The following MIR2052HG variants were observed in gnomAD, a reference collection of about 807,000 sequenced individuals.
MIR2052HG encodes MIR2052 host gene.
intron 2 of MIR2052HG, among the ~76,000 whole-genome samples, chr8:74,655,288 G>A (rs976707068): frequency 2.0e-5 from 3 of 152,298 alleles, no homozygotes; most frequent in African/African-American, 7.2e-5. Flanking sequence ...AACTAACAAG[G>A]AGCCGAATGT....
chr8:74,662,977 A>G (rs1159796133), intron 2 of MIR2052HG, among the ~76,000 whole-genome samples: 2 of 152,032 alleles, frequency 1.3e-5, no homozygotes, highest in Admixed American at 1.3e-4. Flanking sequence ...TCATACTTTT[A>G]TTATGCTAAT....
chr8:74,691,597 A>G (rs1397876032), intron 2 of MIR2052HG, among the ~76,000 whole-genome samples: 1 of 152,220 alleles, frequency 6.6e-6, no homozygotes, highest in Non-Finnish European at 1.5e-5. Flanking sequence ...GATGAGCCCA[A>G]TATGGTAGGT....
At chr8:74,681,336 T>A (rs1304795847) in intron 2 of MIR2052HG, among the ~76,000 whole-genome samples, 1 of 151,872 alleles carries the variant, frequency 6.6e-6, no homozygotes, top group African/African-American at 2.4e-5. Flanking sequence ...TATTGGAAAA[T>A]ATATATATAG....
chr8:74,728,210 T>C (rs188451866), intron 4 of MIR2052HG, among the ~76,000 whole-genome samples: 10 of 152,298 alleles, frequency 6.6e-5, no homozygotes, highest in East Asian at 1.9e-4. Context: ...TTGAAAAACA[T>C]TTGAGAGTGA....
intron 1 of MIR2052HG, among the ~76,000 whole-genome samples, chr8:74,602,971 A>G: frequency 6.7e-6 from 1 of 149,608 alleles, no homozygotes; most frequent in East Asian, 2.0e-4. Flanking sequence ...TTAATATTCC[A>G]TTCTTAACAT....
chr8:74,650,436 A>G (rs886111000), intron 2 of MIR2052HG, among the ~76,000 whole-genome samples: 1 of 152,130 alleles, frequency 6.6e-6, no homozygotes, highest in South Asian at 2.1e-4. Context: ...TTATCCATTC[A>G]TTAGTTGATG....
chr8:74,644,490 A>T (rs921962033), intron 2 of MIR2052HG, among the ~76,000 whole-genome samples: 1 of 152,204 alleles, frequency 6.6e-6, no homozygotes, highest in Non-Finnish European at 1.5e-5. Context: ...TCGCACAATG[A>T]CAAAATCACC....
chr8:74,716,596 G>T (rs1809523886), intron 4 of MIR2052HG, among the ~76,000 whole-genome samples: 1 of 152,092 alleles, frequency 6.6e-6, no homozygotes, highest in South Asian at 2.1e-4. Context: ...TGTAATCCCA[G>T]CTACTCAGGA....
chr8:74,650,671 A>T (rs905267231), intron 2 of MIR2052HG, among the ~76,000 whole-genome samples: 1 of 152,164 alleles, frequency 6.6e-6, no homozygotes, highest in African/African-American at 2.4e-5. Context: ...AATGCATGAA[A>T]GTTCCAGTAG....
At chr8:74,641,861 G>A (rs1030905005) in intron 2 of MIR2052HG, among the ~76,000 whole-genome samples, 10 of 152,228 alleles carry the variant, frequency 6.6e-5, no homozygotes, top group Middle Eastern at 3.4e-3. Flanking sequence ...GTGAACACAG[G>A]CATGTTTTGG....
intron 2 of MIR2052HG, among the ~76,000 whole-genome samples, chr8:74,692,264 T>C (rs1056590426): frequency 6.6e-6 from 1 of 152,182 alleles, no homozygotes; most frequent in Non-Finnish European, 1.5e-5. Flanking sequence ...CTAATTTTTA[T>C]ATTTTTAGTA....
intron 2 of MIR2052HG, among the ~76,000 whole-genome samples, chr8:74,702,165 G>C (rs1809364355): frequency 1.3e-5 from 2 of 152,066 alleles, no homozygotes; most frequent in African/African-American, 4.8e-5. Flanking sequence ...ATTTTCTGCT[G>C]CAGCTACAGT....
intron 4 of MIR2052HG, among the ~76,000 whole-genome samples, chr8:74,713,304 G>T (rs1057090640): frequency 2.0e-5 from 3 of 152,116 alleles, no homozygotes; most frequent in African/African-American, 7.2e-5. Context: ...AACAATTTAT[G>T]TGGCCCCTTC....
intron 4 of MIR2052HG, among the ~76,000 whole-genome samples, chr8:74,735,504 G>A (rs575005732): frequency 1.3e-5 from 2 of 152,006 alleles, no homozygotes; most frequent in African/African-American, 4.8e-5. Context: ...TGTGCTCCCC[G>A]GGCTCCATGT....
At chr8:74,734,563 T>A (rs1809727761) in intron 4 of MIR2052HG, among the ~76,000 whole-genome samples, 2 of 152,196 alleles carry the variant, frequency 1.3e-5, no homozygotes, top group South Asian at 4.1e-4. Context: ...GCCCTGTAGG[T>A]CATTATCTCC....
intron 2 of MIR2052HG, among the ~76,000 whole-genome samples, chr8:74,695,988 C>T (rs1813409): frequency 0.17 from 25,209 of 152,004 alleles, 2,668 homozygotes; most frequent in Middle Eastern, 0.3. Flanking sequence ...CAGATATTTA[C>T]AGAATGTTCT....
intron 2 of MIR2052HG, among the ~76,000 whole-genome samples, chr8:74,683,163 A>G (rs1489210855): frequency 6.6e-6 from 1 of 152,180 alleles, no homozygotes; most frequent in Non-Finnish European, 1.5e-5. Flanking sequence ...GCTATTATGC[A>G]TCACAATATG....
chr8:74,620,092 G>C (rs1586892282), intron 2 of MIR2052HG, among the ~76,000 whole-genome samples: 1 of 152,206 alleles, frequency 6.6e-6, no homozygotes, highest in East Asian at 1.9e-4. Context: ...AAATCCAATA[G>C]AGCAGTCATT....
At chr8:74,651,538 A>G (rs565791291) in intron 2 of MIR2052HG, among the ~76,000 whole-genome samples, 6 of 152,306 alleles carry the variant, frequency 3.9e-5, no homozygotes, top group Non-Finnish European at 2.9e-5. Flanking sequence ...CAGTTCTACA[A>G]GGAGTCTACA....
Sources: gnomAD v4.1 joint callset for allele counts (sites outside exome capture counted in the v4.1 genomes callset) on GRCh38, gnomAD v4.1.1 for gene constraint, MANE v1.5 for transcripts, NCBI Gene and HGNC (gene_info 2026-07-23, HGNC 2026-07-21) for gene names.